INTS15: variants seen among roughly 807,000 people sequenced by gnomAD.
The protein encoded by INTS15 is integrator complex subunit 15, also known as uncharacterized protein C7orf26.
At chr7:6,603,622 T>TGAG in the INTS15 span, among the ~76,000 whole-genome samples, 1 of 151,956 alleles carries the variant, frequency 6.6e-6, no homozygotes, top group Non-Finnish European at 1.5e-5. Flanking sequence ...GCGGATCACC[T>TGAG]GAGGTCAGGA....
At chr7:6,594,688 G>T in the INTS15 span, 127 of 1,269,862 alleles carry the variant, frequency 1.0e-4, no homozygotes, top group African/African-American at 1.8e-3. Flanking sequence ...GAAGTGTCCA[G>T]TGAATGCTTT....
chr7:6,596,652 T>G, the INTS15 span, among the ~76,000 whole-genome samples: 1 of 152,126 alleles, frequency 6.6e-6, no homozygotes, highest in Non-Finnish European at 1.5e-5. Context: ...GTGCTGAGAT[T>G]ACAGGTGTGA....
chr7:6,604,762 G>A, the INTS15 span, among the ~76,000 whole-genome samples: 6 of 152,220 alleles, frequency 3.9e-5, no homozygotes, highest in African/African-American at 9.6e-5. Context: ...GCATCCTTGT[G>A]TGGGGGTTGG....
chr7:6,607,347 G>A, the INTS15 span, among the ~76,000 whole-genome samples: 11 of 151,238 alleles, frequency 7.3e-5, no homozygotes, highest in South Asian at 2.1e-4. This position sits in a 1 kb window ranked among gnomAD's most constrained non-coding sequence, Gnocchi z 6.0. Context: ...TGGGGAGACC[G>A]TGCTTGCAGC....
chr7:6,591,672 A>G, the INTS15 span: 3 of 1,614,002 alleles, frequency 1.9e-6, no homozygotes, highest in African/African-American at 2.7e-5. Flanking sequence ...AGGAGCTTCA[A>G]CTTCTTGAAA....
At chr7:6,591,553 C>G in the INTS15 span, 79 of 1,173,980 alleles carry the variant, frequency 6.7e-5, no homozygotes, top group African/African-American at 1.1e-3. Flanking sequence ...CATGAGCCAC[C>G]GCGCCCAGTC....
chr7:6,602,861 T>C, the INTS15 span: 4 of 407,336 alleles, frequency 9.8e-6, no homozygotes, highest in Admixed American at 1.2e-4. Flanking sequence ...GAAGTCCTCA[T>C]GTGTAAAATC....
chr7:6,592,566 C>CAA, the INTS15 span, among the ~76,000 whole-genome samples: 2 of 140,524 alleles, frequency 1.4e-5, no homozygotes, highest in Non-Finnish European at 1.5e-5. Context: ...GACTCAGTCT[C>CAA]AAAAAAAAAA....
chr7:6,594,572 C>T, the INTS15 span: 32 of 1,614,008 alleles, frequency 2.0e-5, no homozygotes, highest in Middle Eastern at 1.6e-4. Flanking sequence ...TCATCACCTC[C>T]GTTACCGCGC....
the INTS15 span, among the ~76,000 whole-genome samples, chr7:6,597,721 G>T: frequency 2.0e-5 from 1 of 50,668 alleles, no homozygotes; most frequent in East Asian, 2.6e-4. Context: ...CAGCACAGCA[G>T]ATCTGAAACT....
the INTS15 span, chr7:6,594,487 A>G: frequency 6.2e-7 from 1 of 1,614,100 alleles, no homozygotes; most frequent in Non-Finnish European, 8.5e-7. Context: ...GTAGATGACT[A>G]CTGCTGTTTG....
the INTS15 span, among the ~76,000 whole-genome samples, chr7:6,605,643 G>C: frequency 6.6e-6 from 1 of 152,136 alleles, no homozygotes; most frequent in Non-Finnish European, 1.5e-5. Context: ...TCCCGGGGCA[G>C]GCCTGGCACT....
At chr7:6,608,644 C>T in the INTS15 span, 20 of 480,222 alleles carry the variant, frequency 4.2e-5, no homozygotes, top group Non-Finnish European at 5.2e-5. Flanking sequence ...GAATTCCCCT[C>T]ACCTCGGAAA....
At chr7:6,600,469 T>C in the INTS15 span, 2 of 1,143,928 alleles carry the variant, frequency 1.7e-6, no homozygotes, top group Non-Finnish European at 2.4e-6. Flanking sequence ...CTTCTTTTCC[T>C]CCTAGTGAAC....
chr7:6,600,365 C>T, the INTS15 span: 3 of 1,604,108 alleles, frequency 1.9e-6, no homozygotes, highest in East Asian at 6.7e-5. Flanking sequence ...AGGTGGGTGC[C>T]TCCCTGGCCC....
the INTS15 span, chr7:6,607,922 G>C: frequency 1.1e-5 from 17 of 1,595,400 alleles, no homozygotes; most frequent in Non-Finnish European, 1.4e-5. The surrounding 1 kb of genome is among the most constrained non-coding windows in gnomAD (Gnocchi z 6.0). Context: ...GGAGTCCCCG[G>C]AGCCCGCCCG....
the INTS15 span, chr7:6,608,393 C>T: frequency 1.1e-4 from 149 of 1,398,166 alleles, no homozygotes; most frequent in Non-Finnish European, 1.3e-4. Flanking sequence ...CTGCTGCGTG[C>T]ATTTTTAAAA....
At chr7:6,607,893 G>GCCTA in the INTS15 span, 1 of 1,582,388 alleles carries the variant, frequency 6.3e-7, no homozygotes, top group Non-Finnish European at 8.5e-7. This position sits in a 1 kb window ranked among gnomAD's most constrained non-coding sequence, Gnocchi z 6.0. Context: ...GACGGGGTCA[G>GCCTA]CCTACCGTGC....
At chr7:6,602,080 C>T in the INTS15 span, 3 of 1,610,212 alleles carry the variant, frequency 1.9e-6, no homozygotes, top group African/African-American at 4.0e-5. Context: ...GTTCATTAAT[C>T]TTGTATCTCC....
Sources: gnomAD v4.1 joint callset for allele counts (sites outside exome capture counted in the v4.1 genomes callset) on GRCh38, gnomAD v4.1.1 for gene constraint, Gnocchi (gnomAD v3.1) non-coding constraint, MANE v1.5 for transcripts, NCBI Gene and HGNC (gene_info 2026-07-23, HGNC 2026-07-21) for gene names.